FAM13A: variants seen among roughly 807,000 people sequenced by gnomAD.
The protein encoded by FAM13A is protein FAM13A.
FAM13A carries 76 observed loss-of-function variants against 129.6 expected under a neutral mutation model. The observed-to-expected ratio is 0.59, with a 90% CI of 0.49 to 0.71. The LOEUF (loss-of-function observed/expected upper bound fraction) is 0.71. Among genes scored for constraint, FAM13A ranks in the 30% least tolerant of loss-of-function variants. The pLI is 0.00. For missense variants in FAM13A, 1,108 were observed against 1,249.3 expected (o/e 0.89, Z 1.70); for synonymous variants, 443 against 449.9 (o/e 0.98, Z 0.20).
intron 6 of FAM13A, among the ~76,000 whole-genome samples, chr4:88,896,718 T>C (rs764524519): frequency 6.6e-6 from 1 of 152,188 alleles, no homozygotes; most frequent in Non-Finnish European, 1.5e-5. Flanking sequence ...TACTTCTTTA[T>C]CCCGCATCTT....
chr4:88,915,577 T>TGCCCTACA (rs1027376055), intron 5 of FAM13A, among the ~76,000 whole-genome samples: 4 of 152,204 alleles, frequency 2.6e-5, no homozygotes, highest in African/African-American at 9.7e-5. Flanking sequence ...TATTAAAAAT[T>TGCCCTACA]GCCCTACAGA....
At chr4:88,748,285 C>T (rs1321026033) in intron 17 of FAM13A, among the ~76,000 whole-genome samples, 1 of 152,146 alleles carries the variant, frequency 6.6e-6, no homozygotes, top group African/African-American at 2.4e-5. Context: ...GTTACAGTAT[C>T]AGTAGAAATC....
chr4:88,823,153 A>C, intron 7 of FAM13A: 1 of 1,506,786 alleles, frequency 6.6e-7, no homozygotes, highest in East Asian at 2.3e-5. Context: ...CTTGCTCTGC[A>C]GTTGGCCAGT....
intron 5 of FAM13A, among the ~76,000 whole-genome samples, chr4:88,926,352 TTAAA>T (rs1439268576): frequency 6.6e-6 from 1 of 152,242 alleles, no homozygotes; most frequent in African/African-American, 2.4e-5. Context: ...TAAGTGATCT[TTAAA>T]AACCTCAAAT....
chr4:89,016,541 C>A (rs1184518099), intron 3 of FAM13A, among the ~76,000 whole-genome samples: 1 of 152,158 alleles, frequency 6.6e-6, no homozygotes, highest in African/African-American at 2.4e-5. Context: ...AACTTCTAGT[C>A]CTGCAAGCTC....
chr4:88,850,277 G>A (rs962540275), intron 7 of FAM13A, among the ~76,000 whole-genome samples: 5 of 152,016 alleles, frequency 3.3e-5, no homozygotes, highest in African/African-American at 7.2e-5. Flanking sequence ...AATTGTGGCC[G>A]GGCGTGGTGG....
intron 4 of FAM13A, among the ~76,000 whole-genome samples, chr4:88,956,091 A>G (rs1757717089): frequency 6.6e-6 from 1 of 152,228 alleles, no homozygotes; most frequent in Admixed American, 6.5e-5. Context: ...TAAGTGTACC[A>G]TCTTTTTAAA....
chr4:88,742,676 T>C (rs1368440870), intron 19 of FAM13A, among the ~76,000 whole-genome samples: 2 of 152,196 alleles, frequency 1.3e-5, no homozygotes, highest in African/African-American at 2.4e-5. Context: ...TCCATAGTTA[T>C]ATGAACAAAG....
chr4:88,867,108 G>T (rs529554336), intron 6 of FAM13A, among the ~76,000 whole-genome samples: 1 of 152,134 alleles, frequency 6.6e-6, no homozygotes, highest in Non-Finnish European at 1.5e-5. Flanking sequence ...GTTCCTGTGA[G>T]CCTCTGGTCA....
chr4:88,977,999 T>C (rs1265258379), intron 4 of FAM13A, among the ~76,000 whole-genome samples: 1 of 152,180 alleles, frequency 6.6e-6, no homozygotes, highest in Non-Finnish European at 1.5e-5. Context: ...AATAATAGAC[T>C]TCACATTACT....
chr4:88,731,642 T>A lies in FAM13A; in HGVS notation c.2844-214A>T, dbSNP rs1335419061. ...TCCAGCTTCTGGGGGTTCCTGCTAC[T>A]TGGGAATTCTTAGCCCTTGTGAAAT... On this transcript the variant is annotated intron_variant, in intron 22 of 23. Coordinates refer to ENST00000264344, the MANE Select transcript of FAM13A (RefSeq NM_014883.4). The A allele has an allele frequency of 2.0e-5, 11 of 554,712 alleles. No homozygotes were observed. In the Admixed American group the frequency reaches 3.5e-4, roughly 18 times the overall value. 34.4% of individuals were successfully genotyped at this position (554,712 alleles called of 1,614,324 possible). A position where few individuals can be genotyped will look rare whatever the true frequency, so the allele number is the denominator to read the frequency against.
At chr4:88,815,986 TA>T (rs34238768) in intron 7 of FAM13A, among the ~76,000 whole-genome samples, 25,444 of 142,442 alleles carry the variant, frequency 0.18, 2,654 homozygotes, top group East Asian at 0.43. Flanking sequence ...GTTCTTTTTC[TA>T]AAAAAAAAAA....
rs1175082401 is a variant in FAM13A, at chr4:88,727,296, G to A, written c.*1237C>T. On this transcript the variant is annotated 3_prime_UTR_variant, in exon 24 of 24. Transcript: ENST00000264344. ...TAAAAAAGTAACAGCAAATCATGAG[G>A]TGACATCAGGCACACTGAAGAGATG... 6.6e-6 allele frequency: 1 copy of A among 152,610 alleles called. No homozygotes were observed. Among genetic ancestry groups the A allele is most frequent in the East Asian group, 1.9e-4 (1 of 5,192 alleles). 9.5% of individuals were successfully genotyped at this position (152,610 alleles called of 1,614,324 possible). A position where few individuals can be genotyped will look rare whatever the true frequency, so the allele number is the denominator to read the frequency against.
At chr4:88,928,169 A>C (rs1017417726) in intron 5 of FAM13A, among the ~76,000 whole-genome samples, 2 of 152,074 alleles carry the variant, frequency 1.3e-5, no homozygotes, top group Admixed American at 6.6e-5. Context: ...ATTAATTTCT[A>C]GTTTTTATTC....
chr4:88,906,768 A>G (rs1748242356), intron 5 of FAM13A, among the ~76,000 whole-genome samples: 1 of 152,240 alleles, frequency 6.6e-6, no homozygotes, highest in African/African-American at 2.4e-5. Flanking sequence ...CAGTATAGAC[A>G]GCTTGCTCTT....
chr4:88,909,107 G>C (rs990770384), intron 5 of FAM13A, among the ~76,000 whole-genome samples: 4 of 152,124 alleles, frequency 2.6e-5, no homozygotes, highest in African/African-American at 9.7e-5. Flanking sequence ...ATCTGAGAAA[G>C]TTGAAAATTT....
intron 5 of FAM13A, among the ~76,000 whole-genome samples, chr4:88,913,151 G>GAAC (rs1411297640): frequency 2.6e-4 from 38 of 145,000 alleles, no homozygotes; most frequent in African/African-American, 9.8e-4. Context: ...AGAGGAAGAA[G>GAAC]AGGAGGAGGA....
At chr4:88,999,739 T>C (rs1010594451) in intron 3 of FAM13A, among the ~76,000 whole-genome samples, 4 of 152,154 alleles carry the variant, frequency 2.6e-5, no homozygotes, top group Non-Finnish European at 5.9e-5. Flanking sequence ...GGGCCTCAAA[T>C]TGTTTATGGA....
intron 8 of FAM13A, among the ~76,000 whole-genome samples, chr4:88,804,099 C>T (rs1728075822): frequency 6.6e-6 from 1 of 151,276 alleles, no homozygotes; most frequent in Non-Finnish European, 1.5e-5. Flanking sequence ...ACTAAAAATA[C>T]AAAAATTAGC....
Sources: gnomAD v4.1 joint callset for allele counts (sites outside exome capture counted in the v4.1 genomes callset) on GRCh38, gnomAD v4.1.1 for gene constraint, MANE v1.5 for transcripts, NCBI Gene and HGNC (gene_info 2026-07-23, HGNC 2026-07-21) for gene names.